PKN2: variants seen among roughly 807,000 people sequenced by gnomAD.
PKN2 encodes the protein serine/threonine-protein kinase N2.
A neutral mutation model predicts 119.1 loss-of-function variants in PKN2; 38 were observed. The ratio of observed to expected loss-of-function variants is 0.32; its 90% CI spans 0.25 to 0.42. The LOEUF (loss-of-function observed/expected upper bound fraction) is 0.42, where lower values mean the gene tolerates loss of function less well. Among genes scored for constraint, PKN2 ranks in the 10% least tolerant of loss-of-function variants. PKN2 has a pLI of 1.00. For synonymous variants in PKN2, 390 were observed against 384.9 expected, an observed-to-expected ratio of 1.01 and a Z score of -0.15; for missense variants, 850 against 1,165.1, an observed-to-expected ratio of 0.73 and a Z score of 3.94.
At chr1:88,717,406 A>G (rs1332484374) in intron 1 of PKN2, among the ~76,000 whole-genome samples, 1 of 151,930 alleles carries the variant, frequency 6.6e-6, no homozygotes, top group Non-Finnish European at 1.5e-5. Context: ...ACTTGGTTCC[A>G]TTCTCCCCAT....
At chr1:88,826,881 C>A (rs59761058) in intron 18 of PKN2, among the ~76,000 whole-genome samples, 2 of 151,944 alleles carry the variant, frequency 1.3e-5, no homozygotes, top group African/African-American at 4.8e-5. Context: ...GCAGAACTTA[C>A]ATAGATATTA....
chr1:88,706,451 T>A (rs975789268), intron 1 of PKN2, among the ~76,000 whole-genome samples: 4 of 152,170 alleles, frequency 2.6e-5, no homozygotes, highest in Non-Finnish European at 5.9e-5. Flanking sequence ...CTTTGTAATC[T>A]GGAGTGCCTT....
chr1:88,757,772 G>T (rs1669264638), intron 2 of PKN2, among the ~76,000 whole-genome samples: 1 of 152,078 alleles, frequency 6.6e-6, no homozygotes, highest in African/African-American at 2.4e-5. Context: ...GCTGGGCGTG[G>T]TGGCTCACAC....
rs767090210 is a variant in PKN2, at chr1:88,740,266, G to A, written c.49-722G>A. Among the ~76,000 whole-genome samples the A allele has an allele frequency of 6.0e-4, 92 of 152,098 alleles. No individual in the cohort carries two copies. The Middle Eastern group carries it at 0.034, about 56-fold the overall frequency. ...CTGAATATAGTTTTCCCAAGCCCTA[G>A]TACATTTAATTCATTAACTAAAAAG... On this transcript the variant is annotated intron_variant, in intron 1 of 21. Transcript: ENST00000370521.
At chr1:88,824,876 G>T (rs374120251) in intron 18 of PKN2, among the ~76,000 whole-genome samples, 4 of 152,252 alleles carry the variant, frequency 2.6e-5, no homozygotes, top group African/African-American at 9.6e-5. Context: ...CATGGGCTTA[G>T]GCACTAAACA....
intron 7 of PKN2, 77 bp downstream of exon 7, chr1:88,784,901 G>A: frequency 1.4e-6 from 1 of 691,188 alleles, no homozygotes; most frequent in Non-Finnish European, 2.2e-6. Context: ...TGTTCAAGTT[G>A]GACAAAACAC....
intron 6 of PKN2, among the ~76,000 whole-genome samples, chr1:88,775,289 C>T (rs973576565): frequency 7.2e-5 from 11 of 152,122 alleles, no homozygotes; most frequent in Non-Finnish European, 1.6e-4. Flanking sequence ...GAACTCCTCG[C>T]AACCACTCAC....
intron 1 of PKN2, among the ~76,000 whole-genome samples, chr1:88,730,345 T>G (rs1239428505): frequency 2.0e-5 from 3 of 152,152 alleles, no homozygotes; most frequent in African/African-American, 2.4e-5. Flanking sequence ...AGGTAGCCAG[T>G]CTAGGGCTTG....
chr1:88,702,754 A>G (rs1666822198), intron 1 of PKN2, among the ~76,000 whole-genome samples: 1 of 152,202 alleles, frequency 6.6e-6, no homozygotes, highest in African/African-American at 2.4e-5. Flanking sequence ...TCAACTGCAC[A>G]GGTTTCATGA....
chr1:88,788,125 T>C lies in PKN2; in HGVS notation c.1281+1912T>C, dbSNP rs1011559479. Among the ~76,000 whole-genome samples the C allele has an allele frequency of 2.0e-5, 3 of 152,306 alleles. No homozygotes were observed. In the East Asian group the frequency reaches 5.8e-4, roughly 29 times the overall value. On this transcript the variant is annotated intron_variant, in intron 8 of 21. Coordinates refer to ENST00000370521, the MANE Select transcript of PKN2 (RefSeq NM_006256.4). ...TCTTCTATGGCATTCGGGAACTAAGTCGTCTGTACTGTTTCATTTCAAGAT... is the reference window on the plus strand; with the variant it reads ...TCTTCTATGGCATTCGGGAACTAAGCCGTCTGTACTGTTTCATTTCAAGAT...
intron 1 of PKN2, among the ~76,000 whole-genome samples, chr1:88,704,033 C>A (rs1666873239): frequency 6.6e-6 from 1 of 151,908 alleles, no homozygotes; most frequent in African/African-American, 2.4e-5. Context: ...TTAAAATATG[C>A]AATTTGATAA....
chr1:88,807,455 A>C lies in PKN2; in HGVS notation c.1934+12A>C, dbSNP rs1252737154. On this transcript the variant is annotated intron_variant, in intron 13 of 21. Coordinates refer to ENST00000370521, the MANE Select transcript of PKN2 (RefSeq NM_006256.4). ...CTTGAGGACAGAAGGTAAAGAATATATACCAAATTTTGCGACTACATGTTT... is the reference window on the plus strand; with the variant it reads ...CTTGAGGACAGAAGGTAAAGAATATCTACCAAATTTTGCGACTACATGTTT... The C allele has an allele frequency of 1.2e-6, 2 of 1,607,374 alleles. No individual in the cohort carries two copies. Among genetic ancestry groups the C allele is most frequent in the African/African-American group, 2.7e-5 (2 of 74,508 alleles).
intron 1 of PKN2, among the ~76,000 whole-genome samples, chr1:88,691,522 A>G (rs1244849135): frequency 1.3e-5 from 2 of 152,208 alleles, no homozygotes; most frequent in African/African-American, 4.8e-5. Context: ...GTTAAACATC[A>G]GGCACACTGC....
chr1:88,792,357 C>T (rs571807612), intron 8 of PKN2, among the ~76,000 whole-genome samples: 9 of 152,118 alleles, frequency 5.9e-5, no homozygotes, highest in African/African-American at 1.9e-4. Context: ...GAGCCAAGAT[C>T]GTGCCACTGG....
chr1:88,813,136 A>G (rs1671847612), intron 15 of PKN2, among the ~76,000 whole-genome samples: 1 of 152,188 alleles, frequency 6.6e-6, no homozygotes, highest in Non-Finnish European at 1.5e-5. Flanking sequence ...AAAAAATTGA[A>G]TACTATAGCT....
chr1:88,699,896 C>T (rs2100662072), intron 1 of PKN2, among the ~76,000 whole-genome samples: 1 of 152,120 alleles, frequency 6.6e-6, no homozygotes, highest in South Asian at 2.1e-4. Flanking sequence ...GATTCTCCTG[C>T]CTCAGCTTCC....
chr1:88,724,575 C>CTTT (rs35072207), intron 1 of PKN2, among the ~76,000 whole-genome samples: 9,040 of 140,954 alleles, frequency 0.064, 605 homozygotes, highest in African/African-American at 0.17. Context: ...AGGGATTACT[C>CTTT]TTTTTTTTTT....
At chr1:88,772,222 A>C (rs1328026769) in intron 6 of PKN2, among the ~76,000 whole-genome samples, 1 of 152,204 alleles carries the variant, frequency 6.6e-6, no homozygotes, top group African/African-American at 2.4e-5. Context: ...TAGATTTGTC[A>C]TATGATAGAA....
chr1:88,762,906 G>A (rs1418690611), intron 3 of PKN2, among the ~76,000 whole-genome samples: 1 of 152,226 alleles, frequency 6.6e-6, no homozygotes, highest in Non-Finnish European at 1.5e-5. Context: ...TCTGAGGAAT[G>A]AAAGTGATTT....
Sources: gnomAD v4.1 joint callset for allele counts (sites outside exome capture counted in the v4.1 genomes callset) on GRCh38, gnomAD v4.1.1 for gene constraint, MANE v1.5 for transcripts, NCBI Gene and HGNC (gene_info 2026-07-23, HGNC 2026-07-21) for gene names.